The following FAM161A variants were observed in gnomAD, a reference collection of about 807,000 sequenced individuals.
The protein encoded by FAM161A is FAM161 centrosomal protein A.
A neutral mutation model predicts 70.9 loss-of-function variants in FAM161A; 57 were observed. That is an observed-to-expected ratio of 0.80 (90% CI 0.65 to 1.00). The LOEUF (loss-of-function observed/expected upper bound fraction) is 1.00, where lower values mean the gene tolerates loss of function less well. Ranked by LOEUF, FAM161A falls within the 50% of genes least tolerant of loss-of-function variation. The pLI, the probability that FAM161A is intolerant of heterozygous loss-of-function variation, is 0.00. For missense variants in FAM161A, 880 were observed against 836.0 expected (o/e 1.05, Z -0.65); for synonymous variants, 299 against 295.7 (o/e 1.01, Z -0.12).
At chr2:61,834,808 A>T (rs35056428) in intron 5 of FAM161A, among the ~76,000 whole-genome samples, 34,370 of 151,938 alleles carry the variant, frequency 0.23, 3,989 homozygotes, top group Non-Finnish European at 0.25. Context: ...TTGAATTTAA[A>T]ATAAAAGTTG....
chr2:61,837,629 C>T (rs537034208), intron 4 of FAM161A, among the ~76,000 whole-genome samples: 263 of 152,106 alleles, frequency 1.7e-3, no homozygotes, highest in African/African-American at 5.8e-3. Context: ...ATTAGCTAGG[C>T]GTGGTGGTGA....
intron 4 of FAM161A, chr2:61,836,345 T>C (rs920673717): frequency 6.6e-6 from 3 of 451,728 alleles, no homozygotes; most frequent in Non-Finnish European, 1.2e-5. Flanking sequence ...AGATCACACA[T>C]ATTATGCTCT....
chr2:61,811,573 A>G, the FAM161A span, among the ~76,000 whole-genome samples: 1 of 152,180 alleles, frequency 6.6e-6, no homozygotes, highest in South Asian at 2.1e-4. Context: ...TAGTTTCTCC[A>G]TTTTGGCCAG....
downstream of FAM161A, among the ~76,000 whole-genome samples, chr2:61,823,065 T>C (rs146099244): frequency 1.4e-4 from 21 of 150,870 alleles, 1 homozygote; most frequent in African/African-American, 4.9e-4. Flanking sequence ...ATAATTGCGG[T>C]GGCTCATGCC....
the FAM161A span, among the ~76,000 whole-genome samples, chr2:61,802,207 G>T: frequency 6.6e-6 from 1 of 152,084 alleles, no homozygotes; most frequent in African/African-American, 2.4e-5. Flanking sequence ...TTATTAGTTG[G>T]TGACCGCAGG....
the FAM161A span, among the ~76,000 whole-genome samples, chr2:61,803,989 A>G: frequency 1.3e-5 from 2 of 152,206 alleles, no homozygotes; most frequent in Non-Finnish European, 2.9e-5. Flanking sequence ...TTAGGAAAGT[A>G]AAGGAATAAA....
chr2:61,840,518 A>T lies in FAM161A; in HGVS notation c.486T>A (p.Asp162Glu). 1 of 1,614,064 alleles carries T rather than the reference A, an allele frequency of 6.2e-7. No individual in the cohort carries two copies. Among genetic ancestry groups the T allele is most frequent in the African/African-American group, 1.3e-5 (1 of 75,042 alleles). The change falls in exon 3 of 7, where the codon GAT (aspartate) becomes GAA (glutamate). Residue 162 changes from aspartate (D) to glutamate (E), a missense_variant. Asp to Glu is a conservative substitution (Grantham distance 45). Coordinates refer to ENST00000404929, the MANE Select transcript of FAM161A (RefSeq NM_001201543.2). ...VSLMTSFSEP[D>E]LGQSSSLYVS... ...CATACAAGGAGGAAGACTGGCCTAA[A>T]TCAGGCTCTGAAAATGATGTCATTA...
chr2:61,852,666 T>C (rs1356770237), intron 1 of FAM161A, among the ~76,000 whole-genome samples: 1 of 152,180 alleles, frequency 6.6e-6, no homozygotes, highest in African/African-American at 2.4e-5. Context: ...GTCCTAGCAC[T>C]CTGATCCTGG....
chr2:61,803,634 T>G, the FAM161A span, among the ~76,000 whole-genome samples: 1 of 152,120 alleles, frequency 6.6e-6, no homozygotes, highest in African/African-American at 2.4e-5. Context: ...GCCAACATGG[T>G]GAAACCCCAC....
the FAM161A span, among the ~76,000 whole-genome samples, chr2:61,813,547 C>CAA: frequency 7.3e-3 from 399 of 54,918 alleles, 1 homozygote; most frequent in East Asian, 0.015. Context: ...GACTCCACCT[C>CAA]AAAAAAAAAA....
At position 61,853,958 on chromosome 2, in the gene FAM161A, G is replaced by C; in HGVS notation, c.84C>G (p.Ala28=). The C allele has an allele frequency of 1.2e-6, 2 of 1,613,878 alleles. No homozygotes were observed. The highest frequency in any genetic ancestry group is 8.5e-7 in the Non-Finnish European group (1 of 1,179,822). The change falls in exon 1 of 7, where the codon GCC becomes GCG. Residue 28 remains alanine (A), a synonymous_variant. Transcript: ENST00000404929. ...PVNPITGARV[A]QYEREDPLKA... is the part of the protein sequence containing the mutation. ...TTAAGGGGTCTTCGCGTTCGTACTGGGCGACCCGCGCTCCAGTGATGGGAT... is the reference window on the plus strand; with the variant it reads ...TTAAGGGGTCTTCGCGTTCGTACTGCGCGACCCGCGCTCCAGTGATGGGAT...
intron 4 of FAM161A, 127 bp downstream of exon 4, chr2:61,838,411 A>G: frequency 1.3e-6 from 1 of 798,342 alleles, no homozygotes; most frequent in African/African-American, 1.7e-5. Flanking sequence ...GTAACTGATG[A>G]CAATTTAAAT....
chr2:61,816,696 C>G, the FAM161A span, among the ~76,000 whole-genome samples: 2 of 152,222 alleles, frequency 1.3e-5, no homozygotes, highest in South Asian at 4.2e-4. Flanking sequence ...GTCTCGAACT[C>G]CTGGACATGA....
intron 2 of FAM161A, among the ~76,000 whole-genome samples, 190 bp from the exon 3 acceptor site, chr2:61,840,771 C>G (rs1245606957): frequency 2.6e-5 from 4 of 152,194 alleles, no homozygotes; most frequent in African/African-American, 4.8e-5. Context: ...CTGTCTCAGC[C>G]TCCCGAGTAG....
In FAM161A at chr2:61,842,169, T is replaced by G; in HGVS notation, c.375A>C (p.Glu125Asp). 1 of 1,613,802 alleles carries G rather than the reference T, an allele frequency of 6.2e-7. No homozygotes were observed. Among genetic ancestry groups the G allele is most frequent in the Non-Finnish European group, 8.5e-7 (1 of 1,179,698 alleles). The change falls in exon 2 of 7, where the codon GAA (glutamate) becomes GAC (aspartate). Residue 125 changes from glutamate to aspartate, a missense_variant. Coordinates refer to ENST00000404929, the MANE Select transcript of FAM161A (RefSeq NM_001201543.2). ...KMYQDKLHLK[E>D]VQPVVIREDS... ...CTTCTCTGATGACCACTGGCTGAAC[T>G]TCCTTTAAATGTAATTTATCCTGGT...
intron 5 of FAM161A, among the ~76,000 whole-genome samples, chr2:61,830,182 G>A (rs11125894): frequency 0.2 from 30,353 of 152,072 alleles, 3,149 homozygotes; most frequent in Middle Eastern, 0.22. Context: ...ATGGTAAGGC[G>A]AAGGTATAAT....
chr2:61,820,306 T>C (rs1672176474), downstream of FAM161A: 3 of 728,828 alleles, frequency 4.1e-6, no homozygotes, highest in African/African-American at 1.7e-5. Flanking sequence ...TTCTGAGCAA[T>C]GGGGAATGCT....
chr2:61,801,570 T>TG, the FAM161A span, among the ~76,000 whole-genome samples: 36,047 of 145,036 alleles, frequency 0.25, 4,646 homozygotes, highest in African/African-American at 0.32. Flanking sequence ...TTTTTTTGGT[T>TG]TTTTTTTTTT....
chr2:61,809,301 C>T, the FAM161A span, among the ~76,000 whole-genome samples: 1 of 152,162 alleles, frequency 6.6e-6, no homozygotes, highest in Non-Finnish European at 1.5e-5. Flanking sequence ...ACTGCAGTGG[C>T]CTGGGGCTCA....
Sources: gnomAD v4.1 joint callset for allele counts (sites outside exome capture counted in the v4.1 genomes callset) on GRCh38, gnomAD v4.1.1 for gene constraint, MANE v1.5 for transcripts, NCBI Gene and HGNC (gene_info 2026-07-23, HGNC 2026-07-21) for gene names.